The following PML variants were observed in gnomAD, a reference collection of about 807,000 sequenced individuals.
PML encodes protein PML.
In PML, 28 loss-of-function variants were observed where a neutral mutation model predicts 65.2. The ratio of observed to expected loss-of-function variants is 0.43; its 90% CI spans 0.32 to 0.59. The LOEUF is 0.59. PML is among the 20% of genes least tolerant of loss of function. The probability of loss-of-function intolerance (pLI) is 0.08; values close to 1 mark genes in which losing one functional copy is unlikely to be tolerated. For missense variants in PML, 1,021 were observed against 1,203.4 expected, an observed-to-expected ratio of 0.85 and a Z score of 2.24; for synonymous variants, 500 against 508.8, an observed-to-expected ratio of 0.98 and a Z score of 0.23.
Position 74,005,297 on chromosome 15 carries a change from C to T in PML, c.602+6821C>T, listed in dbSNP as rs535287860. The stretch of plus-strand genomic sequence containing the variant: ...CGAACTCCTGACCTCGTGATCCACC[C>T]GCCTCAGCCTCCCAAAGTGCTGGGA... On this transcript the variant is annotated intron_variant, in intron 2 of 8. Coordinates refer to ENST00000268058, the MANE Select transcript of PML (RefSeq NM_033238.3). Among the ~76,000 whole-genome samples, 1,273 of 151,958 alleles carry T rather than the reference C, an allele frequency of 8.4e-3. 7 individuals carry two copies. Among genetic ancestry groups the T allele is most frequent in the Non-Finnish European group, 0.012 (787 of 67,962 alleles).
chr15:74,009,848 C>G (rs1357479336), intron 2 of PML, among the ~76,000 whole-genome samples: 1 of 152,158 alleles, frequency 6.6e-6, no homozygotes, highest in African/African-American at 2.4e-5. Flanking sequence ...CCACCACGCC[C>G]AGCCAGAAGC....
chr15:74,018,523 A>T (rs1393090873), intron 2 of PML, among the ~76,000 whole-genome samples: 2 of 151,938 alleles, frequency 1.3e-5, no homozygotes, highest in Non-Finnish European at 2.9e-5. Context: ...ATTTAAAAAA[A>T]GTTTTTTAGA....
chr15:74,039,296 G>A (rs1245572256), intron 7 of PML, among the ~76,000 whole-genome samples: 3 of 152,244 alleles, frequency 2.0e-5, no homozygotes, highest in East Asian at 1.9e-4. Context: ...CAGGCTGGCC[G>A]AGTTTATGGT....
At position 74,037,227 on chromosome 15, in the gene PML, C is replaced by T. The variant is rs76999765; in HGVS notation, c.1710+2697C>T. ...TCCCAGCCTCACCCTCAGCTGATGGCGGCACCTTCTGCTCCAGGGAGAAAA... is the reference window on the plus strand; with the variant it reads ...TCCCAGCCTCACCCTCAGCTGATGGTGGCACCTTCTGCTCCAGGGAGAAAA... On this transcript the variant is annotated intron_variant, in intron 7 of 8. Transcript: ENST00000268058. This position sits in a 1 kb window ranked among gnomAD's most constrained non-coding sequence, Gnocchi z 4.2. 75,090 of 985,320 alleles carry T rather than the reference C, an allele frequency of 0.076. 3,297 individuals carry two copies. The highest frequency in any genetic ancestry group is 0.21 in the South Asian group (4,430 of 21,284). The allele number at this position is 985,320 out of a possible 1,614,324, so 61.0% of individuals were successfully genotyped here. A position where few individuals can be genotyped will look rare whatever the true frequency, so the allele number is the denominator to read the frequency against.
chr15:74,016,512 G>A (rs985025243), intron 2 of PML, among the ~76,000 whole-genome samples: 1 of 151,968 alleles, frequency 6.6e-6, no homozygotes, highest in Non-Finnish European at 1.5e-5. Flanking sequence ...TAGATGGGAT[G>A]TTCTTTGAGT....
intron 2 of PML, among the ~76,000 whole-genome samples, chr15:74,001,071 CTGAGT>C: frequency 6.6e-6 from 1 of 152,256 alleles, no homozygotes; most frequent in African/African-American, 2.4e-5. Context: ...CCAGTTCATC[CTGAGT>C]TATCTTTCAT....
chr15:73,997,913 C>G, intron 1 of PML, 91 bp from the exon 2 acceptor site: 1 of 1,082,818 alleles, frequency 9.2e-7, no homozygotes, highest in South Asian at 1.3e-5. Flanking sequence ...ATATGAGGTC[C>G]TACTCCAGGG....
At chr15:74,038,452 A>G (rs892873745) in intron 7 of PML, among the ~76,000 whole-genome samples, 1 of 152,196 alleles carries the variant, frequency 6.6e-6, no homozygotes, top group Non-Finnish European at 1.5e-5. Context: ...AGAGAGCCAG[A>G]GGACCGCTGC....
At chr15:74,041,101 A>AG (rs1218053616) in intron 7 of PML, among the ~76,000 whole-genome samples, 4 of 152,198 alleles carry the variant, frequency 2.6e-5, no homozygotes, top group Non-Finnish European at 5.9e-5. Flanking sequence ...AGGAACACAA[A>AG]GGGGCATTTC....
At chr15:74,002,264 G>A (rs1040467692) in intron 2 of PML, among the ~76,000 whole-genome samples, 1 of 151,690 alleles carries the variant, frequency 6.6e-6, no homozygotes, top group Non-Finnish European at 1.5e-5. Flanking sequence ...ATAATCCTTA[G>A]AGTTGAAAAG....
rs1309900464 is a variant in PML at position 74,023,340 on chromosome 15, G to T, written c.1115G>T (p.Arg372Leu). 2 of 1,604,548 alleles carry T rather than the reference G, an allele frequency of 1.2e-6. No homozygotes were observed. The highest frequency in any genetic ancestry group is 2.2e-5 in the East Asian group (1 of 44,890). Reference sequence around the variant, plus strand: ...CCCCAGAGCCTGCAAGCTGCCGTGCGCACCGATGGCTTCGACGAGTTCAAG... The same window carrying T: ...CCCCAGAGCCTGCAAGCTGCCGTGCTCACCGATGGCTTCGACGAGTTCAAG... ...EEPQSLQAAV[R>L]TDGFDEFKVR... The change falls in exon 3 of 9, where the codon CGC (arginine) becomes CTC (leucine). Residue 372 changes from arginine (R) to leucine (L), a missense_variant. Coordinates refer to ENST00000268058, the MANE Select transcript of PML (RefSeq NM_033238.3).
chr15:74,034,826 C>G lies in PML; in HGVS notation c.1710+296C>G, dbSNP rs2071472107. 3 of 1,437,246 alleles carry G rather than the reference C, an allele frequency of 2.1e-6. No individual in the cohort carries two copies. The African/African-American group carries it at 4.3e-5, about 21-fold the overall frequency. 89.0% of individuals were successfully genotyped at this position (1,437,246 alleles called of 1,614,324 possible). On this transcript the variant is annotated intron_variant, in intron 7 of 8. Transcript: ENST00000268058. ...GACCTTTGTCTGGAGCTTCCTTATGCATTTTCTGTCCTCTAAGTCCTCAGT... is the reference window on the plus strand; with the variant it reads ...GACCTTTGTCTGGAGCTTCCTTATGGATTTTCTGTCCTCTAAGTCCTCAGT...
rs761704732 is a variant in PML at position 74,023,416 on chromosome 15, C to T, written c.1183+8C>T. On this transcript the variant is annotated splice_region_variant and intron_variant, in intron 3 of 8. Transcript: ENST00000268058. ...GCATCACCCAGGGGAAAGGTAAGCA[C>T]GCACGCCACCTTCCTGGGCGGCCTG... 5.0e-6 allele frequency: 8 copies of T among 1,594,088 alleles called. No homozygotes were observed. Among genetic ancestry groups the T allele is most frequent in the East Asian group, 2.2e-5 (1 of 44,812 alleles).
At position 73,994,735 on chromosome 15, in the gene PML, A is replaced by G. The variant is rs539800728; in HGVS notation, c.-78A>G. On this transcript the variant is annotated 5_prime_UTR_variant, in exon 1 of 9. Transcript: ENST00000268058. ...TCGGACAGCTCAAGGGACTCAGCCA[A>G]CTGGCTCACGCCTCCCCTTCAGCTT... 2.0e-6 allele frequency: 3 copies of G among 1,491,654 alleles called. No homozygotes were observed. The highest frequency in any genetic ancestry group is 1.4e-5 in the African/African-American group (1 of 71,846). 92.4% of individuals were successfully genotyped at this position (1,491,654 alleles called of 1,614,324 possible). A position where few individuals can be genotyped will look rare whatever the true frequency, so the allele number is the denominator to read the frequency against.
chr15:73,999,834 ATT>A (rs368015472), intron 2 of PML, among the ~76,000 whole-genome samples: 61 of 135,764 alleles, frequency 4.5e-4, no homozygotes, highest in Middle Eastern at 3.8e-3. Flanking sequence ...ATTTTTTTTA[ATT>A]TTTTTTTTTT....
Position 74,042,815 on chromosome 15 carries a change from T to G in PML, c.1711-174T>G. ...TAACCCTCACATGTGACACACCCAGTTCACACCCATTCATGCACACATACC... is the reference window on the plus strand; with the variant it reads ...TAACCCTCACATGTGACACACCCAGGTCACACCCATTCATGCACACATACC... On this transcript the variant is annotated intron_variant, in intron 7 of 8. Coordinates refer to ENST00000268058, the MANE Select transcript of PML (RefSeq NM_033238.3). The surrounding 1 kb of genome is among the most constrained non-coding windows in gnomAD (Gnocchi z 5.3). The G allele has an allele frequency of 1.0e-6, 1 of 985,200 alleles. No homozygotes were observed. Among genetic ancestry groups the G allele is most frequent in the Non-Finnish European group, 1.2e-6 (1 of 829,874 alleles). The allele number at this position is 985,200 out of a possible 1,614,324, so 61.0% of individuals were successfully genotyped here. A position where few individuals can be genotyped will look rare whatever the true frequency, so the allele number is the denominator to read the frequency against.
At chr15:74,002,448 T>TC (rs1451735933) in intron 2 of PML, among the ~76,000 whole-genome samples, 312 of 141,740 alleles carry the variant, frequency 2.2e-3, no homozygotes, top group Non-Finnish European at 3.6e-3. Flanking sequence ...TCTTTTCTTT[T>TC]TTTTTTTTTT....
intron 2 of PML, among the ~76,000 whole-genome samples, chr15:74,014,955 C>T (rs1272755393): frequency 1.3e-5 from 2 of 152,080 alleles, no homozygotes; most frequent in Admixed American, 6.5e-5. Flanking sequence ...GATACACCAG[C>T]CATATGCCTT....
intron 4 of PML, 143 bp downstream of exon 4, chr15:74,025,070 A>C: frequency 1.5e-6 from 1 of 676,516 alleles, no homozygotes; most frequent in Non-Finnish European, 2.7e-6. Context: ...CAGTGAGAGG[A>C]AGTAAAGGAA....
Sources: gnomAD v4.1 joint callset for allele counts (sites outside exome capture counted in the v4.1 genomes callset) on GRCh38, gnomAD v4.1.1 for gene constraint, Gnocchi (gnomAD v3.1) non-coding constraint, MANE v1.5 for transcripts, NCBI Gene and HGNC (gene_info 2026-07-23, HGNC 2026-07-21) for gene names.